DYNC2H1: variants seen among roughly 807,000 people sequenced by gnomAD.
DYNC2H1 encodes dynein cytoplasmic 2 heavy chain 1, also known as cytoplasmic dynein 2 heavy chain 1.
In DYNC2H1, 410 loss-of-function variants were observed where a neutral mutation model predicts 570.0. The ratio of observed to expected loss-of-function variants is 0.72; its 90% CI spans 0.66 to 0.78. DYNC2H1 has a LOEUF of 0.78. Ranked by LOEUF, DYNC2H1 falls within the 30% of genes least tolerant of loss-of-function variation. DYNC2H1 has a pLI of 0.00. For synonymous variants in DYNC2H1, 1,688 were observed against 1,677.6 expected (o/e 1.01, Z -0.15); for missense variants, 4,865 against 5,046.4 (o/e 0.96, Z 1.09).
chr11:103,121,293 A>G (rs1163954651), intron 9 of DYNC2H1, 79 bp from the exon 10 acceptor site: 9 of 1,455,106 alleles, frequency 6.2e-6, no homozygotes, highest in East Asian at 2.5e-5. Context: ...AGCATCTGAC[A>G]TAGTGCTTGG....
chr11:103,120,822 CA>C lies in DYNC2H1; in HGVS notation c.1248+21del. ...CAGCAGGTAAAACATTGAGATATTT[CA>C]CTTTTAATATTTCTCTTAAGCTAAT... On this transcript the variant is annotated intron_variant, in intron 8 of 88. Coordinates refer to ENST00000375735, the MANE Select transcript of DYNC2H1 (RefSeq NM_001377.3). 7.2e-7 allele frequency: 1 copy of C among 1,388,656 alleles called. No individual in the cohort carries two copies. The allele number at this position is 1,388,656 out of a possible 1,614,324, so 86.0% of individuals were successfully genotyped here. A position where few individuals can be genotyped will look rare whatever the true frequency, so the allele number is the denominator to read the frequency against.
intron 70 of DYNC2H1, among the ~76,000 whole-genome samples, chr11:103,263,958 C>G (rs1206570566): frequency 6.6e-6 from 1 of 151,292 alleles, no homozygotes; most frequent in Non-Finnish European, 1.5e-5. Flanking sequence ...AGACCGCTAG[C>G]AAGACTAATA....
In DYNC2H1 at chr11:103,386,636, G is replaced by A. The variant is rs538004106; in HGVS notation, c.12157-13027G>A. 3.9e-4 allele frequency among the ~76,000 whole-genome samples: 60 copies of A among 152,162 alleles called. 1 individual carries two copies. Among genetic ancestry groups the A allele is most frequent in the South Asian group, 1.5e-3 (7 of 4,818 alleles). ...TGTAACGTTAGATATATCTCCTAAT[G>A]CTATCCCTCCACACTCCCCCCACCC... On this transcript the variant is annotated intron_variant, in intron 83 of 88. Transcript: ENST00000375735.
At chr11:103,220,381 T>A (rs564850147) in intron 56 of DYNC2H1, among the ~76,000 whole-genome samples, 1 of 152,290 alleles carries the variant, frequency 6.6e-6, no homozygotes, top group Non-Finnish European at 1.5e-5. Flanking sequence ...TGACAAATTG[T>A]CTCAAAACAA....
In DYNC2H1 at chr11:103,249,743, A is replaced by C. The variant is rs986918836; in HGVS notation, c.10043-3542A>C. Among the ~76,000 whole-genome samples the C allele has an allele frequency of 6.6e-6, 1 of 152,052 alleles. No individual in the cohort carries two copies. The highest frequency in any genetic ancestry group is 2.4e-5 in the African/African-American group (1 of 41,436). On this transcript the variant is annotated intron_variant, in intron 65 of 88. Transcript: ENST00000375735. The surrounding 1 kb of genome is among the most constrained non-coding windows in gnomAD (Gnocchi z 4.6). ...ACTGCAGTCATGTTTGAGCACAAAA[A>C]ACAGGAACACTTTCCATAACACAAA...
intron 85 of DYNC2H1, among the ~76,000 whole-genome samples, chr11:103,445,670 G>A (rs966468394): frequency 1.1e-4 from 16 of 152,140 alleles, no homozygotes; most frequent in African/African-American, 3.6e-4. Context: ...GTTGTTTTTT[G>A]AGACGGAGTC....
chr11:103,207,242 T>A lies in DYNC2H1; in HGVS notation c.8454+2278T>A, dbSNP rs1440995529. On this transcript the variant is annotated intron_variant, in intron 52 of 88. Transcript: ENST00000375735. ...GGGCCTGTTTTTTTTTTTTTTTTTT[T>A]AAAAAAAGATGGGACACACTATAGT... Among the ~76,000 whole-genome samples, 23 of 139,826 alleles carry A rather than the reference T, an allele frequency of 1.6e-4. 1 individual carries two copies. The highest frequency in any genetic ancestry group is 8.4e-4 in the Admixed American group (12 of 14,206). 91.7% of individuals were successfully genotyped at this position (139,826 alleles called of 152,430 possible).
rs1293119480 is a variant in DYNC2H1 at position 103,252,367 on chromosome 11, AC to A, written c.10043-915del. ...GGTGACTTATTTCCTTTGGGCATATACCCAGAAAAAAGATTGCTGGGTCATA... is the reference window on the plus strand; with the variant it reads ...GGTGACTTATTTCCTTTGGGCATATACCAGAAAAAAGATTGCTGGGTCATA... On this transcript the variant is annotated intron_variant, in intron 65 of 88. Coordinates refer to ENST00000375735, the MANE Select transcript of DYNC2H1 (RefSeq NM_001377.3). This position sits in a 1 kb window ranked among gnomAD's most constrained non-coding sequence, Gnocchi z 4.6. 6.6e-6 allele frequency among the ~76,000 whole-genome samples: 1 copy of A among 152,114 alleles called. No homozygotes were observed. The highest frequency in any genetic ancestry group is 1.9e-4 in the East Asian group (1 of 5,188).
At chr11:103,383,748 A>G (rs1941763344) in intron 83 of DYNC2H1, among the ~76,000 whole-genome samples, 1 of 152,132 alleles carries the variant, frequency 6.6e-6, no homozygotes. Context: ...TGCTGGGATT[A>G]CAGACGTGAA....
At chr11:103,284,813 A>G (rs1196734155) in intron 73 of DYNC2H1, among the ~76,000 whole-genome samples, 1 of 152,168 alleles carries the variant, frequency 6.6e-6, no homozygotes, top group Non-Finnish European at 1.5e-5. Flanking sequence ...GAAGATATAG[A>G]TCTTCTAAAT....
chr11:103,335,556 G>A (rs72977620), intron 82 of DYNC2H1, among the ~76,000 whole-genome samples: 7,936 of 152,078 alleles, frequency 0.052, 258 homozygotes, highest in Non-Finnish European at 0.076. Context: ...ACCTGTACAA[G>A]GAATCTCTTT....
At chr11:103,215,957 A>G in intron 55 of DYNC2H1, 99 bp downstream of exon 55, 1 of 1,395,992 alleles carries the variant, frequency 7.2e-7, no homozygotes. Context: ...GGATTTAAAA[A>G]ATATTGCTTA....
At chr11:103,191,708 G>C (rs180762146) in intron 46 of DYNC2H1, 89 bp downstream of exon 46, 7 of 550,292 alleles carry the variant, frequency 1.3e-5, no homozygotes, top group African/African-American at 7.9e-5. Flanking sequence ...AGTTAAATGC[G>C]TATTATATCA....
At chr11:103,250,064 T>C (rs1252819700) in intron 65 of DYNC2H1, among the ~76,000 whole-genome samples, 1 of 152,124 alleles carries the variant, frequency 6.6e-6, no homozygotes, top group Non-Finnish European at 1.5e-5. Context: ...CTGGTAAACG[T>C]GAGCTATGGC....
At chr11:103,310,071 A>G (rs946171210) in intron 78 of DYNC2H1, among the ~76,000 whole-genome samples, 1 of 152,118 alleles carries the variant, frequency 6.6e-6, no homozygotes, top group Non-Finnish European at 1.5e-5. Flanking sequence ...TAATATGGGC[A>G]TATATTATTT....
Position 103,157,572 on chromosome 11 carries a change from C to A in DYNC2H1, c.4127+802C>A, listed in dbSNP as rs1175966825. On this transcript the variant is annotated intron_variant, in intron 26 of 88. Coordinates refer to ENST00000375735, the MANE Select transcript of DYNC2H1 (RefSeq NM_001377.3). The surrounding 1 kb of genome is among the most constrained non-coding windows in gnomAD (Gnocchi z 4.2). ...ATTAAGTTGCCAAATTTTGTTGATT[C>A]TAACCTGCTTAGTATATCTTGAGCC... 6.6e-6 allele frequency among the ~76,000 whole-genome samples: 1 copy of A among 152,192 alleles called. No individual in the cohort carries two copies. Among genetic ancestry groups the A allele is most frequent in the African/African-American group, 2.4e-5 (1 of 41,458 alleles).
chr11:103,172,028 A>G (rs1861595975), intron 34 of DYNC2H1, among the ~76,000 whole-genome samples: 1 of 152,214 alleles, frequency 6.6e-6, no homozygotes, highest in South Asian at 2.1e-4. Flanking sequence ...GAATACAGGA[A>G]GTTGTAAGAA....
intron 87 of DYNC2H1, among the ~76,000 whole-genome samples, chr11:103,466,226 G>A (rs1030139797): frequency 1.3e-5 from 2 of 152,066 alleles, no homozygotes; most frequent in African/African-American, 4.8e-5. Flanking sequence ...TGAAACAATT[G>A]CTCACTCATT....
At chr11:103,435,894 A>G (rs764087626) in intron 84 of DYNC2H1, 49 bp from the exon 85 acceptor site, 1 of 1,573,656 alleles carries the variant, frequency 6.4e-7, no homozygotes, top group Non-Finnish European at 8.7e-7. Context: ...AGTCTTCTAT[A>G]TGTAGTATCA....
Sources: allele counts gnomAD v4.1 joint callset (sites outside exome capture counted in the v4.1 genomes callset), GRCh38; gene constraint gnomAD v4.1.1; non-coding constraint Gnocchi (gnomAD v3.1); transcripts MANE v1.5; gene names NCBI Gene and HGNC (gene_info 2026-07-23, HGNC 2026-07-21).